Variants in OR1L6 observed in about 807,000 individuals in gnomAD.
The protein encoded by OR1L6 is olfactory receptor family 1 subfamily L member 6.
Under a neutral mutation model 3.0 loss-of-function variants are expected in OR1L6, and 2 were observed. That is an observed-to-expected ratio of 0.68 (90% CI 0.28 to 2.13). The LOEUF is 2.13. OR1L6 is among the 30% of genes most tolerant of loss of function. The pLI is 0.14. For missense variants in OR1L6, 304 were observed against 378.4 expected (o/e 0.80, Z 1.63); for synonymous variants, 121 against 148.4 (o/e 0.82, Z 1.34).
At position 122,750,034 on chromosome 9, in the gene OR1L6, T is replaced by G; in HGVS notation, c.187T>G (p.Phe63Val). ...CAGGCTCCACACCCCTATGTACTTT[T>G]TTCTCAGCAACTTGTCTTTCATGGA... is the stretch of plus-strand genomic sequence containing the variant. ...DPRLHTPMYFFLSNLSFMDIC... is the reference protein window; with the variant it reads ...DPRLHTPMYFVLSNLSFMDIC... The change falls in exon 2 of 2, where the codon TTT becomes GTT. Residue 63 changes from phenylalanine to valine, a missense_variant. Phe to Val is a conservative substitution (Grantham distance 50). Transcript: ENST00000304720. 1 of 1,614,180 alleles carries G rather than the reference T, an allele frequency of 6.2e-7. No individual in the cohort carries two copies. The highest frequency in any genetic ancestry group is 8.5e-7 in the Non-Finnish European group (1 of 1,180,022).
chr9:122,750,134 T>C lies in OR1L6; in HGVS notation c.287T>C (p.Val96Ala), dbSNP rs1432159644. 2 of 1,613,566 alleles carry C rather than the reference T, an allele frequency of 1.2e-6. No homozygotes were observed. Among genetic ancestry groups the C allele is most frequent in the Middle Eastern group, 1.6e-4 (1 of 6,062 alleles). ...TCAGAGACAAAGGTTATCTCCTATG[T>C]GGGCTGCCTGGCCCAGATGTACTTC... ...FLSETKVISY[V>A]GCLAQMYFFM... The change falls in exon 2 of 2, where the codon GTG (valine) becomes GCG (alanine). Residue 96 changes from valine (V) to alanine (A), a missense_variant. This residue lies in a region of OR1L6 where 192 missense variants were observed against 242.7 expected (regional missense o/e 0.79). Transcript: ENST00000304720.
chr9:122,744,254 C>G (rs1383183309), intron 1 of OR1L6, among the ~76,000 whole-genome samples: 1 of 152,166 alleles, frequency 6.6e-6, no homozygotes, highest in African/African-American at 2.4e-5. Context: ...AGCTTTCCAC[C>G]AGGATACTGC....
intron 1 of OR1L6, among the ~76,000 whole-genome samples, chr9:122,745,561 C>T (rs1419253466): frequency 4.0e-5 from 6 of 151,704 alleles, no homozygotes; most frequent in Admixed American, 3.3e-4. Flanking sequence ...TGCAGGCGCC[C>T]ACCACAACGC....
At chr9:122,748,379 C>T (rs139257190) in intron 1 of OR1L6, among the ~76,000 whole-genome samples, 17 of 151,820 alleles carry the variant, frequency 1.1e-4, no homozygotes, top group African/African-American at 3.6e-4. Context: ...AAGGTGGGAC[C>T]CAGAAACCAC....
intron 1 of OR1L6, among the ~76,000 whole-genome samples, chr9:122,748,706 T>C (rs1828860133): frequency 6.6e-6 from 1 of 152,196 alleles, no homozygotes; most frequent in Non-Finnish European, 1.5e-5. Context: ...TTCTTCTGAG[T>C]CTCTATTATC....
At chr9:122,748,879 A>G (rs1828861555) in intron 1 of OR1L6, among the ~76,000 whole-genome samples, 1 of 152,174 alleles carries the variant, frequency 6.6e-6, no homozygotes. Context: ...AGTTCCATCC[A>G]TAGTGCTACA....
At chr9:122,742,553 A>G (rs1159455818) in intron 1 of OR1L6, among the ~76,000 whole-genome samples, 180 bp downstream of exon 1, 4 of 152,164 alleles carry the variant, frequency 2.6e-5, no homozygotes, top group South Asian at 2.1e-4. Flanking sequence ...TGAAATATCT[A>G]CTTTGTTCAA....
intron 1 of OR1L6, among the ~76,000 whole-genome samples, chr9:122,745,257 C>T (rs1328694535): frequency 6.6e-6 from 1 of 151,866 alleles, no homozygotes; most frequent in East Asian, 1.9e-4. Flanking sequence ...CTTGGGGTAG[C>T]GGAAGCATAA....
intron 1 of OR1L6, among the ~76,000 whole-genome samples, chr9:122,748,593 C>T (rs954920772): frequency 1.3e-5 from 2 of 152,058 alleles, no homozygotes; most frequent in East Asian, 1.9e-4. Context: ...CATTGTGCAG[C>T]GGTCAAGTTA....
chr9:122,747,988 T>G (rs1828853101), intron 1 of OR1L6, among the ~76,000 whole-genome samples: 1 of 152,154 alleles, frequency 6.6e-6, no homozygotes, highest in Admixed American at 6.5e-5. Flanking sequence ...TCCTGTAATA[T>G]TTGAATGTTT....
rs779715600 is a variant in OR1L6 at position 122,750,214 on chromosome 9, C to T, written c.367C>T (p.Arg123Trp). The stretch of plus-strand genomic sequence containing the variant: ...CCTGCTGGCCTCTATGGCCATCGAC[C>T]GGCTGGTGGCCATCTGCAACCCCTT... The part of the protein sequence containing the change: ...SYLLASMAID[R>W]LVAICNPLHY... The change falls in exon 2 of 2, where the codon CGG becomes TGG. Residue 123 changes from arginine (R) to tryptophan (W), a missense_variant. By Grantham distance (101) the Arg-to-Trp change is moderately radical. Transcript: ENST00000304720. 16 of 1,613,942 alleles carry T rather than the reference C, an allele frequency of 9.9e-6. No homozygotes were observed. The African/African-American group carries it at 1.3e-4, about 13-fold the overall frequency.
At chr9:122,743,298 C>A (rs974960664) in intron 1 of OR1L6, among the ~76,000 whole-genome samples, 5 of 152,080 alleles carry the variant, frequency 3.3e-5, no homozygotes, top group African/African-American at 1.2e-4. Context: ...CTGAGGACAA[C>A]CTGAGCTGGA....
chr9:122,747,768 T>C (rs1828850547), intron 1 of OR1L6, among the ~76,000 whole-genome samples: 1 of 152,038 alleles, frequency 6.6e-6, no homozygotes, highest in Non-Finnish European at 1.5e-5. Flanking sequence ...AAAGTCTTCA[T>C]AGATTTTAAA....
chr9:122,749,654 G>A, intron 1 of OR1L6, 181 bp from the exon 2 acceptor site: 1 of 685,740 alleles, frequency 1.5e-6, no homozygotes, highest in Middle Eastern at 2.5e-4. Context: ...CTTGCAGTGA[G>A]CTGAGATCAC....
chr9:122,748,647 C>T (rs1451246487), intron 1 of OR1L6, among the ~76,000 whole-genome samples: 2 of 152,138 alleles, frequency 1.3e-5, no homozygotes, highest in African/African-American at 4.8e-5. Flanking sequence ...ACATTGTACC[C>T]ATGAGGCAAT....
At chr9:122,746,184 T>C (rs1828835172) in intron 1 of OR1L6, among the ~76,000 whole-genome samples, 1 of 152,232 alleles carries the variant, frequency 6.6e-6, no homozygotes, top group African/African-American at 2.4e-5. Context: ...GTCTGTGCTA[T>C]CAGACTGCCT....
chr9:122,742,491 G>A (rs904631433), intron 1 of OR1L6, 118 bp downstream of exon 1: 1 of 152,170 alleles, frequency 6.6e-6, no homozygotes, highest in Non-Finnish European at 1.5e-5. Flanking sequence ...AGGAAACACA[G>A]TCTTTCTCTA....
rs1228046846 is a variant in OR1L6 at position 122,750,291 on chromosome 9, T to C, written c.444T>C (p.Gly148=). Residue 148 remains glycine (G), a synonymous_variant, in exon 2 of 2, where the codon GGT becomes GGC. Transcript: ENST00000304720. ...GGCATTGCCTGCTCATGCTATTGGG[T>C]TCTTGCAGCATCTCCCACCTACATT... ...KPRHCLLMLL[G]SCSISHLHSL... is the part of the protein sequence containing the mutation. The C allele has an allele frequency of 6.2e-7, 1 of 1,613,938 alleles. No individual in the cohort carries two copies. Among genetic ancestry groups the C allele is most frequent in the Non-Finnish European group, 8.5e-7 (1 of 1,180,000 alleles).
chr9:122,747,422 C>A (rs1300917523), intron 1 of OR1L6, among the ~76,000 whole-genome samples: 2 of 151,748 alleles, frequency 1.3e-5, no homozygotes, highest in African/African-American at 4.8e-5. Context: ...CTGTTCTTAG[C>A]CATTTATTCA....
Sources: gnomAD v4.1 joint callset for allele counts (sites outside exome capture counted in the v4.1 genomes callset) on GRCh38, gnomAD v4.1.1 for gene constraint, gnomAD v4.1.1 regional missense constraint, MANE v1.5 for transcripts, NCBI Gene and HGNC (gene_info 2026-07-23, HGNC 2026-07-21) for gene names.